The following SOX5 variants were observed in gnomAD, a reference collection of about 807,000 sequenced individuals.
SOX5 encodes transcription factor SOX-5.
Under a neutral mutation model 92.0 loss-of-function variants are expected in SOX5, and 9 were observed. That is an observed-to-expected ratio of 0.10 (90% CI 0.06 to 0.17). The LOEUF is 0.17. SOX5 is among the 10% of genes least tolerant of loss of function. SOX5 has a pLI of 1.00. For missense variants in SOX5, 642 were observed against 944.5 expected (o/e 0.68, Z 4.20); for synonymous variants, 344 against 336.3 (o/e 1.02, Z -0.25).
At chr12:24,376,716 TTTTTTTTTTTTTTA>T (rs1957314991) in intron 1 of SOX5, among the ~76,000 whole-genome samples, 1 of 47,600 alleles carries the variant, frequency 2.1e-5, no homozygotes. Context: ...TTTTTTTTTT[TTTTTTTTTTTTTTA>T]CAGAGTCTCA....
chr12:23,665,332 A>G (rs1023823290), intron 7 of SOX5, 112 bp downstream of exon 7: 11 of 1,190,628 alleles, frequency 9.2e-6, no homozygotes, highest in African/African-American at 4.5e-5. Flanking sequence ...CCTCTTTAAA[A>G]TAAAAATGCT....
intron 4 of SOX5, among the ~76,000 whole-genome samples, chr12:24,095,611 A>T (rs1224274950): frequency 1.3e-5 from 2 of 152,150 alleles, no homozygotes; most frequent in Non-Finnish European, 2.9e-5. Context: ...CAAGATTATC[A>T]TTAACCAACT....
At chr12:24,081,716 A>G (rs1943354821) in intron 4 of SOX5, among the ~76,000 whole-genome samples, 1 of 152,012 alleles carries the variant, frequency 6.6e-6, no homozygotes, top group African/African-American at 2.4e-5. Flanking sequence ...ATGGAGGAGA[A>G]TAGTGGTATT....
At chr12:24,251,276 G>T (rs888010525) in intron 3 of SOX5, among the ~76,000 whole-genome samples, 1 of 152,088 alleles carries the variant, frequency 6.6e-6, no homozygotes, top group Non-Finnish European at 1.5e-5. Context: ...TTTAGGGTTT[G>T]TCTAATTAAC....
intron 1 of SOX5, among the ~76,000 whole-genome samples, chr12:24,497,282 T>A (rs1304039583): frequency 2.6e-5 from 4 of 152,082 alleles, no homozygotes; most frequent in African/African-American, 9.7e-5. Flanking sequence ...AAAGCAGAAA[T>A]TTTTGTTTGA....
chr12:24,249,298 T>C (rs1220807575), intron 3 of SOX5, among the ~76,000 whole-genome samples: 2 of 152,226 alleles, frequency 1.3e-5, no homozygotes, highest in Non-Finnish European at 2.9e-5. Flanking sequence ...TTCTAGTCTT[T>C]AATTTGTAAG....
intron 6 of SOX5, among the ~76,000 whole-genome samples, chr12:23,696,314 T>C (rs1480394892): frequency 6.6e-6 from 1 of 152,148 alleles, no homozygotes; most frequent in Non-Finnish European, 1.5e-5. Context: ...AGTGTAGAGG[T>C]ATTCAGGGCA....
At chr12:24,429,675 C>T (rs1261508832) in intron 1 of SOX5, among the ~76,000 whole-genome samples, 1 of 151,968 alleles carries the variant, frequency 6.6e-6, no homozygotes. Flanking sequence ...AGCCCTCCAA[C>T]TCAAAACTAA....
At chr12:24,277,151 C>A (rs1944530470) in intron 3 of SOX5, 1 of 151,658 alleles carries the variant, frequency 6.6e-6, no homozygotes, top group Non-Finnish European at 1.5e-5. Flanking sequence ...TATAAACTTC[C>A]ATTTTTGTGA....
chr12:24,029,879 T>C (rs1234001065), intron 4 of SOX5, among the ~76,000 whole-genome samples: 1 of 152,044 alleles, frequency 6.6e-6, no homozygotes, highest in Non-Finnish European at 1.5e-5. Context: ...TTATGTGTAA[T>C]GCAAGAGTAA....
Position 23,559,237 on chromosome 12 carries a change from T to C in SOX5, c.1488+4021A>G, listed in dbSNP as rs1945775701. On this transcript the variant is annotated intron_variant, in intron 11 of 14. Coordinates refer to ENST00000451604, the MANE Select transcript of SOX5 (RefSeq NM_006940.6). ...GGGTGGTAATGAAGCAAAGTGTGTT[T>C]TTTACAAAACAAAATATGAGAGGCT... Among the ~76,000 whole-genome samples, 4 of 152,168 alleles carry C rather than the reference T, an allele frequency of 2.6e-5. No individual in the cohort carries two copies. In the South Asian group the frequency reaches 8.3e-4, roughly 32 times the overall value.
At chr12:23,928,716 C>T (rs1026557245) in intron 1 of SOX5, among the ~76,000 whole-genome samples, 1 of 151,776 alleles carries the variant, frequency 6.6e-6, no homozygotes, top group African/African-American at 2.4e-5. Flanking sequence ...AAATATACCA[C>T]TTTCAAATTC....
chr12:24,128,968 A>G (rs1348925179), intron 4 of SOX5, among the ~76,000 whole-genome samples: 1 of 152,098 alleles, frequency 6.6e-6, no homozygotes, highest in African/African-American at 2.4e-5. Flanking sequence ...GAGCTTCAAG[A>G]TATACTTTGT....
chr12:24,030,189 T>G (rs1955334722), intron 4 of SOX5, among the ~76,000 whole-genome samples: 1 of 151,924 alleles, frequency 6.6e-6, no homozygotes. Context: ...AATACTATTT[T>G]TTTGATAGTT....
At chr12:23,799,930 A>T (rs1004166006) in intron 3 of SOX5, among the ~76,000 whole-genome samples, 1 of 152,090 alleles carries the variant, frequency 6.6e-6, no homozygotes, top group Non-Finnish European at 1.5e-5. Context: ...ATTAATTTTC[A>T]ATAATGTAAG....
chr12:24,248,135 T>C (rs190794524), intron 3 of SOX5, among the ~76,000 whole-genome samples: 1 of 152,208 alleles, frequency 6.6e-6, no homozygotes, highest in Non-Finnish European at 1.5e-5. Flanking sequence ...ATTGAGTCTC[T>C]CTATTAAGGG....
chr12:23,984,993 T>C (rs950928600), intron 4 of SOX5, among the ~76,000 whole-genome samples: 33 of 152,178 alleles, frequency 2.2e-4, no homozygotes, highest in Non-Finnish European at 8.8e-5. Context: ...TAAATAACTC[T>C]GGCAGCTTAG....
intron 1 of SOX5, among the ~76,000 whole-genome samples, chr12:24,376,651 C>T (rs1957287318): frequency 7.3e-6 from 1 of 137,572 alleles, no homozygotes. Context: ...TCATGTGTTA[C>T]CTGGCTTAAT....
intron 1 of SOX5, among the ~76,000 whole-genome samples, chr12:24,401,262 G>T (rs1401145721): frequency 1.3e-5 from 2 of 150,760 alleles, no homozygotes; most frequent in African/African-American, 2.4e-5. Context: ...TGAGGCAGGA[G>T]AATTGCTTCA....
Sources: gnomAD v4.1 joint callset for allele counts (sites outside exome capture counted in the v4.1 genomes callset) on GRCh38, gnomAD v4.1.1 for gene constraint, MANE v1.5 for transcripts, NCBI Gene and HGNC (gene_info 2026-07-23, HGNC 2026-07-21) for gene names.